ASTN2: variants seen among roughly 807,000 people sequenced by gnomAD.
The protein encoded by ASTN2 is astrotactin-2.
In ASTN2, 54 loss-of-function variants were observed where a neutral mutation model predicts 139.8. That is an observed-to-expected ratio of 0.39 (90% CI 0.31 to 0.48). ASTN2 has a LOEUF of 0.48. Ranked by LOEUF, ASTN2 falls within the 20% of genes least tolerant of loss-of-function variation. ASTN2 has a pLI of 0.95. For synonymous variants in ASTN2, 756 were observed against 719.5 expected, an observed-to-expected ratio of 1.05 and a Z score of -0.81; for missense variants, 1,565 against 1,725.1, an observed-to-expected ratio of 0.91 and a Z score of 1.64.
intron 3 of ASTN2, among the ~76,000 whole-genome samples, chr9:117,192,820 A>C (rs1401986532): frequency 6.6e-6 from 1 of 152,240 alleles, no homozygotes; most frequent in Non-Finnish European, 1.5e-5. Flanking sequence ...TCTGTATTTC[A>C]TGGATGAGTG....
chr9:116,742,273 C>A (rs1829115268), intron 13 of ASTN2, among the ~76,000 whole-genome samples: 1 of 152,198 alleles, frequency 6.6e-6, no homozygotes, highest in South Asian at 2.1e-4. Context: ...GACCTGCTGA[C>A]TCAGATCATT....
At chr9:116,833,178 A>T (rs1346213186) in intron 11 of ASTN2, among the ~76,000 whole-genome samples, 1 of 152,026 alleles carries the variant, frequency 6.6e-6, no homozygotes, top group Admixed American at 6.6e-5. Context: ...CTAATTCATC[A>T]AGTTTATGTG....
chr9:117,174,017 C>T (rs1830857208), intron 3 of ASTN2, among the ~76,000 whole-genome samples: 2 of 150,848 alleles, frequency 1.3e-5, no homozygotes, highest in African/African-American at 4.9e-5. Context: ...AATATAACAC[C>T]AACAAGATTG....
At chr9:116,733,248 A>G (rs1588248366) in intron 14 of ASTN2, 151 bp downstream of exon 14, 2 of 1,096,020 alleles carry the variant, frequency 1.8e-6, no homozygotes, top group East Asian at 2.4e-5. Flanking sequence ...CAGGAGCCCA[A>G]GAAAGGGTAA....
chr9:117,056,638 C>T (rs6478275), intron 5 of ASTN2, among the ~76,000 whole-genome samples: 1 of 152,048 alleles, frequency 6.6e-6, no homozygotes, highest in Non-Finnish European at 1.5e-5. Flanking sequence ...CAGCTTCACA[C>T]AGGAGGCAGC....
chr9:116,775,723 A>AAGGAAGGAAGGGGAAGGG (rs1418201347), intron 13 of ASTN2, among the ~76,000 whole-genome samples: 215 of 124,946 alleles, frequency 1.7e-3, no homozygotes, highest in South Asian at 8.0e-3. Context: ...AGAAGGAAGG[A>AAGGAAGGAAGGGGAAGGG]AGGAAGGAAG....
chr9:116,986,555 G>A lies in ASTN2; in HGVS notation c.1592-9770C>T, dbSNP rs1005729581. ...GGATGGGGGCTCACCAGTGAAAAGG[G>A]AGGGTAACAATAAGAGAAAACCCAG... On this transcript the variant is annotated intron_variant, in intron 7 of 22. Coordinates refer to ENST00000313400, the MANE Select transcript of ASTN2 (RefSeq NM_001365068.1). Among the ~76,000 whole-genome samples the A allele has an allele frequency of 2.6e-5, 4 of 152,294 alleles. No homozygotes were observed. In the East Asian group the frequency reaches 7.7e-4, roughly 29 times the overall value.
intron 4 of ASTN2, among the ~76,000 whole-genome samples, chr9:117,138,455 A>G (rs2132852306): frequency 6.6e-6 from 1 of 152,352 alleles, no homozygotes; most frequent in South Asian, 2.1e-4. Flanking sequence ...CTGGAGCACA[A>G]GGAAGTGCAG....
intron 1 of ASTN2, among the ~76,000 whole-genome samples, chr9:117,314,470 G>T (rs1220190507): frequency 6.6e-6 from 1 of 151,552 alleles, no homozygotes; most frequent in Non-Finnish European, 1.5e-5. Context: ...CTGTGGCCCT[G>T]CGGTTGCTGT....
intron 7 of ASTN2, among the ~76,000 whole-genome samples, chr9:117,007,439 A>G (rs73655577): frequency 0.02 from 3,048 of 152,270 alleles, 98 homozygotes; most frequent in African/African-American, 0.07. Flanking sequence ...TCTGGGTGGT[A>G]TGACTGGGAA....
At chr9:117,141,556 C>T (rs1283061182) in intron 3 of ASTN2, 78 bp from the exon 4 acceptor site, 5 of 1,263,184 alleles carry the variant, frequency 4.0e-6, no homozygotes, top group Non-Finnish European at 5.2e-6. Flanking sequence ...GAAGTTAGGG[C>T]TTGAGCCCAC....
chr9:116,708,475 C>T (rs1476106384), intron 16 of ASTN2, among the ~76,000 whole-genome samples: 1 of 152,204 alleles, frequency 6.6e-6, no homozygotes, highest in African/African-American at 2.4e-5. Context: ...GCCAGGTCTT[C>T]ACACAGCCTG....
chr9:116,556,235 G>T (rs1249575152), intron 19 of ASTN2, among the ~76,000 whole-genome samples: 1 of 152,186 alleles, frequency 6.6e-6, no homozygotes, highest in African/African-American at 2.4e-5. Flanking sequence ...CAAGAGACTG[G>T]GAAAATTTTA....
In ASTN2 at chr9:117,170,554, A is replaced by C. The variant is rs549200733; in HGVS notation, c.1016-29076T>G. Among the ~76,000 whole-genome samples, 3 of 152,210 alleles carry C rather than the reference A, an allele frequency of 2.0e-5. No individual in the cohort carries two copies. The East Asian group carries it at 5.8e-4, about 30-fold the overall frequency. ...CTTTGTCAGATGATGCTAAACACTA[A>C]AGAGAAAGATCAGGCAGGAAAAAGA... On this transcript the variant is annotated intron_variant, in intron 3 of 22. Coordinates refer to ENST00000313400, the MANE Select transcript of ASTN2 (RefSeq NM_001365068.1).
chr9:116,875,811 G>C (rs1276915092), intron 10 of ASTN2, among the ~76,000 whole-genome samples: 1 of 152,174 alleles, frequency 6.6e-6, no homozygotes, highest in Non-Finnish European at 1.5e-5. Flanking sequence ...GAACAGCAAA[G>C]CCTGAATGAC....
chr9:117,323,763 C>A (rs1482733540), intron 1 of ASTN2, among the ~76,000 whole-genome samples: 1 of 152,076 alleles, frequency 6.6e-6, no homozygotes, highest in Non-Finnish European at 1.5e-5. Flanking sequence ...ATTCTAATTT[C>A]TTTTCTTTCT....
chr9:117,266,093 C>T (rs1226894342), intron 2 of ASTN2, among the ~76,000 whole-genome samples: 2 of 152,194 alleles, frequency 1.3e-5, no homozygotes, highest in Non-Finnish European at 2.9e-5. Flanking sequence ...GCAGTTTATA[C>T]ACATTCCTGC....
Position 117,414,203 on chromosome 9 carries a change from C to T in ASTN2, c.442+294G>A, listed in dbSNP as rs545655257. On this transcript the variant is annotated intron_variant, in intron 1 of 22. Coordinates refer to ENST00000313400, the MANE Select transcript of ASTN2 (RefSeq NM_001365068.1). This position sits in a 1 kb window ranked among gnomAD's most constrained non-coding sequence, Gnocchi z 4.2. ...GAGCACCTTCAGTGAATGGGGTCTC[C>T]GGCTTCCGGGATGGATCAAGCAGAG... 1.3e-5 allele frequency among the ~76,000 whole-genome samples: 2 copies of T among 152,156 alleles called. No individual in the cohort carries two copies. Among genetic ancestry groups the T allele is most frequent in the South Asian group, 4.2e-4 (2 of 4,818 alleles).
At chr9:117,303,894 G>A (rs574998741) in intron 1 of ASTN2, among the ~76,000 whole-genome samples, 15 of 152,322 alleles carry the variant, frequency 9.8e-5, no homozygotes, top group South Asian at 8.3e-4. Context: ...TTTGAAAAGC[G>A]TTTATGTACT....
Sources: allele counts gnomAD v4.1 joint callset (sites outside exome capture counted in the v4.1 genomes callset), GRCh38; gene constraint gnomAD v4.1.1; non-coding constraint Gnocchi (gnomAD v3.1); transcripts MANE v1.5; gene names NCBI Gene and HGNC (gene_info 2026-07-23, HGNC 2026-07-21).